The following UNC80 variants were observed in gnomAD, a reference collection of about 807,000 sequenced individuals.
UNC80 encodes the protein protein unc-80 homolog.
Under a neutral mutation model 384.6 loss-of-function variants are expected in UNC80, and 164 were observed. That is an observed-to-expected ratio of 0.43 (90% CI 0.38 to 0.49). UNC80 has a LOEUF of 0.49. UNC80 is among the 20% of genes least tolerant of loss of function. The pLI, the probability that UNC80 is intolerant of heterozygous loss-of-function variation, is 0.00. For synonymous variants in UNC80, 1,486 were observed against 1,527.8 expected, an observed-to-expected ratio of 0.97 and a Z score of 0.64; for missense variants, 3,330 against 4,143.0, an observed-to-expected ratio of 0.80 and a Z score of 5.39.
intron 44 of UNC80, among the ~76,000 whole-genome samples, chr2:209,942,065 C>T (rs563843379): frequency 3.3e-5 from 5 of 152,264 alleles, no homozygotes; most frequent in South Asian, 2.1e-4. Flanking sequence ...CCTCTACCTC[C>T]GGGCCAGGGA....
chr2:209,882,022 A>C (rs1337630762), intron 25 of UNC80, among the ~76,000 whole-genome samples: 1 of 146,848 alleles, frequency 6.8e-6, no homozygotes, highest in African/African-American at 2.5e-5. Flanking sequence ...GCTGGAGAGC[A>C]ATGGCGCGAT....
chr2:209,818,066 G>C (rs1189664667), intron 11 of UNC80, 114 bp downstream of exon 11: 1 of 1,303,980 alleles, frequency 7.7e-7, no homozygotes, highest in Non-Finnish European at 1.0e-6. Flanking sequence ...CTGAAAACTG[G>C]CATTCTTGTG....
In UNC80 at chr2:209,998,764, C is replaced by T. The variant is rs1225451835; in HGVS notation, c.*3169C>T. On this transcript the variant is annotated 3_prime_UTR_variant, in exon 65 of 65. Coordinates refer to ENST00000673920, the MANE Select transcript of UNC80 (RefSeq NM_001371986.1). ...AGTTATAAAGGATACTTTAATAGAA[C>T]ACAGTCTCCAGAATTCGCTGCTATC... 1 of 152,166 alleles carries T rather than the reference C, an allele frequency of 6.6e-6. No homozygotes were observed. The highest frequency in any genetic ancestry group is 1.5e-5 in the Non-Finnish European group (1 of 68,034). 9.4% of individuals were successfully genotyped at this position (152,166 alleles called of 1,614,324 possible).
intron 25 of UNC80, among the ~76,000 whole-genome samples, chr2:209,883,881 CT>C (rs1260078552): frequency 6.6e-6 from 1 of 152,094 alleles, no homozygotes; most frequent in Non-Finnish European, 1.5e-5. Flanking sequence ...TCAGAATTTC[CT>C]TCTTTTTTAA....
chr2:209,778,226 A>G (rs1358992131), intron 4 of UNC80, among the ~76,000 whole-genome samples: 1 of 152,090 alleles, frequency 6.6e-6, no homozygotes, highest in South Asian at 2.1e-4. Flanking sequence ...AACATGGCAA[A>G]ACTCCATCTC....
In UNC80 at chr2:209,820,536, G is replaced by A. The variant is rs1387766476; in HGVS notation, c.2188G>A (p.Gly730Arg). The A allele has an allele frequency of 5.8e-6, 9 of 1,551,484 alleles. No homozygotes were observed. The highest frequency in any genetic ancestry group is 2.7e-5 in the African/African-American group (2 of 72,982). The change falls in exon 13 of 65, where the codon GGA (glycine) becomes AGA (arginine). Residue 730 changes from glycine to arginine, a missense_variant. Coordinates refer to ENST00000673920, the MANE Select transcript of UNC80 (RefSeq NM_001371986.1). ...ATCTGGAAGTTCCACCTGTGGATTC[G>A]GAGGCCCTGCTGTTAGTGGAGCTGG... ...GVSGSSTCGFGGPAVSGAGDG... is the reference protein window; with the variant it reads ...GVSGSSTCGFRGPAVSGAGDG...
intron 36 of UNC80, among the ~76,000 whole-genome samples, chr2:209,929,410 G>A (rs770556226): frequency 2.0e-5 from 3 of 152,080 alleles, no homozygotes; most frequent in Admixed American, 6.6e-5. Flanking sequence ...TCTTGCTGAA[G>A]GAGATACTGT....
At chr2:209,974,519 T>C (rs2125015232) in intron 56 of UNC80, among the ~76,000 whole-genome samples, 1 of 152,368 alleles carries the variant, frequency 6.6e-6, no homozygotes, top group Admixed American at 6.5e-5. Context: ...AAGAGTTGTT[T>C]TTACTTTGTT....
At chr2:209,983,766 G>T (rs986452740) in intron 60 of UNC80, among the ~76,000 whole-genome samples, 1 of 152,228 alleles carries the variant, frequency 6.6e-6, no homozygotes, top group Admixed American at 6.5e-5. Context: ...GGGTCAAGTT[G>T]TTTGCAGGGA....
intron 7 of UNC80, among the ~76,000 whole-genome samples, chr2:209,799,447 C>G (rs1183677312): frequency 6.6e-6 from 1 of 152,132 alleles, no homozygotes; most frequent in African/African-American, 2.4e-5. Flanking sequence ...GCTGAAGTTG[C>G]TTAGCAGTTC....
Position 209,849,532 on chromosome 2 carries a change from G to A in UNC80, c.3536G>A (p.Arg1179Gln), listed in dbSNP as rs753202029. 1.2e-4 allele frequency: 192 copies of A among 1,550,794 alleles called. No homozygotes were observed. Among genetic ancestry groups the A allele is most frequent in the Non-Finnish European group, 1.6e-4 (181 of 1,146,532 alleles). Residue 1179 changes from arginine (R) to glutamine (Q), a missense_variant, in exon 22 of 65, where the codon CGA (arginine) becomes CAA (glutamine). Physicochemically the swap from Arg to Gln is conservative, Grantham distance 43. Coordinates refer to ENST00000673920, the MANE Select transcript of UNC80 (RefSeq NM_001371986.1). ...AACGTGGTGAATCTTGGAGCAATCCGACAAGGCATGAAACGCTTCCAATTT... is the reference window on the plus strand; with the variant it reads ...AACGTGGTGAATCTTGGAGCAATCCAACAAGGCATGAAACGCTTCCAATTT... ...SKNVVNLGAI[R>Q]QGMKRFQFLL...
Position 209,888,095 on chromosome 2 carries a change from G to T in UNC80, c.4111G>T (p.Asp1371Tyr), listed in dbSNP as rs1040685136. The T allele has an allele frequency of 3.1e-5, 48 of 1,551,506 alleles. No homozygotes were observed. Among genetic ancestry groups the T allele is most frequent in the Non-Finnish European group, 4.0e-5 (46 of 1,146,976 alleles). ...CATGTGCTCCTCACTGGCATTTTAG[G>T]ACTTGGAGAGCTGCAGACTTCGTTT... ...LPRPRTEPLV[D>Y]LESCRLRLDP... is the part of the protein sequence containing the mutation. The change falls in exon 26 of 65, where the codon GAC becomes TAC. Residue 1371 changes from aspartate to tyrosine, a missense_variant and splice_region_variant. Transcript: ENST00000673920.
chr2:209,775,094 G>A (rs1347377776), intron 2 of UNC80, among the ~76,000 whole-genome samples: 7 of 151,976 alleles, frequency 4.6e-5, no homozygotes, highest in Admixed American at 6.5e-5. Flanking sequence ...CCAATATTTC[G>A]TAACTACATT....
intron 26 of UNC80, among the ~76,000 whole-genome samples, chr2:209,891,510 C>T (rs1186915985): frequency 6.6e-6 from 1 of 151,986 alleles, no homozygotes; most frequent in African/African-American, 2.4e-5. Flanking sequence ...CCTAATATTA[C>T]ACAATTAAAC....
At chr2:209,929,427 C>G (rs2090680150) in intron 36 of UNC80, among the ~76,000 whole-genome samples, 1 of 152,094 alleles carries the variant, frequency 6.6e-6, no homozygotes. Context: ...CTGTTTGAAG[C>G]ACTCATGTGG....
intron 47 of UNC80, 114 bp from the exon 48 acceptor site, chr2:209,953,986 C>A: frequency 1.7e-6 from 2 of 1,183,440 alleles, no homozygotes; most frequent in South Asian, 1.9e-5. Flanking sequence ...TGGCAAGGGG[C>A]CTTAGAATTC....
chr2:209,959,763 G>C, intron 51 of UNC80, 56 bp downstream of exon 51: 1 of 1,485,642 alleles, frequency 6.7e-7, no homozygotes, highest in African/African-American at 1.4e-5. Context: ...CCATGTGTCT[G>C]AATGTGTGTG....
chr2:209,935,570 A>G, intron 39 of UNC80, 144 bp from the exon 40 acceptor site: 1 of 345,122 alleles, frequency 2.9e-6, no homozygotes, highest in South Asian at 1.2e-4. Flanking sequence ...TTAAAAATAA[A>G]TAAAATATAT....
chr2:209,856,014 T>C (rs1202999119), intron 22 of UNC80, among the ~76,000 whole-genome samples: 4 of 152,154 alleles, frequency 2.6e-5, no homozygotes, highest in South Asian at 2.1e-4. Flanking sequence ...GTAAAATTAT[T>C]GAGTTACAAT....
Sources: allele counts gnomAD v4.1 joint callset (sites outside exome capture counted in the v4.1 genomes callset), GRCh38; gene constraint gnomAD v4.1.1; transcripts MANE v1.5; gene names NCBI Gene and HGNC (gene_info 2026-07-23, HGNC 2026-07-21).